The following GRB14 variants were observed in gnomAD, a reference collection of about 807,000 sequenced individuals.
GRB14 encodes the protein growth factor receptor-bound protein 14.
A neutral mutation model predicts 69.1 loss-of-function variants in GRB14; 38 were observed. The observed-to-expected ratio is 0.55, with a 90% CI of 0.42 to 0.72. The LOEUF (loss-of-function observed/expected upper bound fraction) is 0.72. Ranked by LOEUF, GRB14 falls within the 30% of genes least tolerant of loss-of-function variation. The pLI is 0.00. For missense variants in GRB14, 666 were observed against 666.1 expected (o/e 1.00, Z 0.00); for synonymous variants, 247 against 241.3 (o/e 1.02, Z -0.22).
In GRB14 at chr2:164,525,036, T is replaced by G; in HGVS notation, c.646A>C (p.Asn216His). The G allele has an allele frequency of 1.3e-6, 2 of 1,593,212 alleles. No homozygotes were observed. The highest frequency in any genetic ancestry group is 1.7e-6 in the Non-Finnish European group (2 of 1,167,170). The change falls in exon 5 of 14, where the codon AAT becomes CAT. Residue 216 changes from asparagine to histidine, a missense_variant. Coordinates refer to ENST00000263915, the MANE Select transcript of GRB14 (RefSeq NM_004490.3). ...ATCTGTGTGGGGGATATTTCACCAT[T>G]GGTTTCAGTTGCAAAAGATACCATA... ...EHMVSFATET[N>H]GEISPTQILQ...
intron 3 of GRB14, among the ~76,000 whole-genome samples, chr2:164,540,245 T>A (rs1203834600): frequency 6.6e-6 from 1 of 152,218 alleles, no homozygotes; most frequent in African/African-American, 2.4e-5. Flanking sequence ...TTGCACAGCC[T>A]GCCTGCTACG....
Position 164,526,508 on chromosome 2 carries a change from A to G in GRB14, c.603+506T>C, listed in dbSNP as rs1410247571. On this transcript the variant is annotated intron_variant, in intron 4 of 13. Coordinates refer to ENST00000263915, the MANE Select transcript of GRB14 (RefSeq NM_004490.3). ...TGCACCGAAAACAAAATAATTTGGA[A>G]TAGCAAGATTCATGTCAATCTTAAT... 2.6e-5 allele frequency among the ~76,000 whole-genome samples: 4 copies of G among 152,196 alleles called. No homozygotes were observed. The East Asian group carries it at 7.7e-4, about 29-fold the overall frequency.
chr2:164,535,529 T>C (rs1031237285), intron 3 of GRB14, among the ~76,000 whole-genome samples: 15 of 152,174 alleles, frequency 9.9e-5, no homozygotes, highest in Non-Finnish European at 2.1e-4. Context: ...GGCTTTTACC[T>C]CTAATTCGCT....
intron 2 of GRB14, among the ~76,000 whole-genome samples, chr2:164,550,536 G>A (rs1374525758): frequency 6.6e-6 from 1 of 152,100 alleles, no homozygotes; most frequent in Non-Finnish European, 1.5e-5. Context: ...ATGATATAAA[G>A]TGGTAAAACT....
At chr2:164,571,701 T>C (rs531603585) in intron 2 of GRB14, among the ~76,000 whole-genome samples, 2 of 152,176 alleles carry the variant, frequency 1.3e-5, no homozygotes, top group African/African-American at 2.4e-5. Context: ...AGCTATTGAA[T>C]AGATGAGGAA....
intron 8 of GRB14, among the ~76,000 whole-genome samples, chr2:164,506,055 G>C (rs997782136): frequency 4.6e-5 from 7 of 152,116 alleles, no homozygotes; most frequent in African/African-American, 1.7e-4. Context: ...CTGATTTCCA[G>C]TTTTGAAAAA....
chr2:164,512,520 C>G (rs999691817), intron 6 of GRB14, among the ~76,000 whole-genome samples: 10 of 152,180 alleles, frequency 6.6e-5, no homozygotes, highest in African/African-American at 2.4e-4. Context: ...ATCTCTAGAC[C>G]AACCCAGGGA....
intron 2 of GRB14, among the ~76,000 whole-genome samples, chr2:164,606,404 AC>A (rs1259992097): frequency 6.6e-6 from 1 of 152,224 alleles, no homozygotes; most frequent in Non-Finnish European, 1.5e-5. Flanking sequence ...ATATCATGGA[AC>A]TTGGCGGGTA....
chr2:164,519,051 A>G (rs1377086712), intron 6 of GRB14, among the ~76,000 whole-genome samples: 4 of 152,086 alleles, frequency 2.6e-5, no homozygotes, highest in Non-Finnish European at 4.4e-5. Context: ...TACCAAAACC[A>G]GGAAAGGACA....
Position 164,502,330 on chromosome 2 carries a change from GC to G in GRB14, c.1028del (p.Gly343AlafsTer26). The G allele has an allele frequency of 6.4e-7, 1 of 1,558,188 alleles. No homozygotes were observed. The highest frequency in any genetic ancestry group is 8.8e-7 in the Non-Finnish European group (1 of 1,130,736). ...GCATATAATTCTGGTACAGCTGCAT[GC>G]CATACTGCAGAATAAATAAATAAAA... ...WVTAIRLLKY[G>X]MQLYQNYMHP... On this transcript the variant is annotated frameshift_variant, in exon 9 of 14. Coordinates refer to ENST00000263915, the MANE Select transcript of GRB14 (RefSeq NM_004490.3). LOFTEE classifies it high-confidence loss of function.
chr2:164,586,217 G>T (rs999643146), intron 2 of GRB14, among the ~76,000 whole-genome samples: 4 of 152,186 alleles, frequency 2.6e-5, no homozygotes, highest in Non-Finnish European at 5.9e-5. Context: ...GGGAAGCATA[G>T]AGTAACATAT....
chr2:164,595,533 A>G (rs1269592434), intron 2 of GRB14, among the ~76,000 whole-genome samples: 1 of 152,156 alleles, frequency 6.6e-6, no homozygotes, highest in Non-Finnish European at 1.5e-5. Context: ...GTGGAGTAGG[A>G]TGAAACAGAG....
chr2:164,566,902 A>C (rs1005585178), intron 2 of GRB14, among the ~76,000 whole-genome samples: 4 of 152,268 alleles, frequency 2.6e-5, no homozygotes, highest in African/African-American at 9.6e-5. Flanking sequence ...CCAAAGTCAC[A>C]GGGCTAGTAA....
intron 2 of GRB14, among the ~76,000 whole-genome samples, chr2:164,555,086 T>C (rs1292886498): frequency 1.3e-5 from 2 of 152,200 alleles, no homozygotes. Flanking sequence ...CTGCATCACC[T>C]GAAATTCTAA....
chr2:164,533,075 C>T (rs1237506333), intron 3 of GRB14, among the ~76,000 whole-genome samples: 1 of 152,106 alleles, frequency 6.6e-6, no homozygotes, highest in Non-Finnish European at 1.5e-5. Flanking sequence ...TTTCCCTGCA[C>T]ACATTGCTTC....
chr2:164,573,544 A>G (rs1485566514), intron 2 of GRB14, among the ~76,000 whole-genome samples: 1 of 152,154 alleles, frequency 6.6e-6, no homozygotes, highest in African/African-American at 2.4e-5. Flanking sequence ...TTTTATTCCA[A>G]TTCTTCAAAA....
intron 2 of GRB14, among the ~76,000 whole-genome samples, chr2:164,576,647 T>C (rs73028064): frequency 0.029 from 4,429 of 151,872 alleles, 203 homozygotes; most frequent in African/African-American, 0.1. Context: ...ATAAACACTA[T>C]ATATCATATC....
At chr2:164,537,661 A>T (rs1688112800) in intron 3 of GRB14, among the ~76,000 whole-genome samples, 1 of 152,208 alleles carries the variant, frequency 6.6e-6, no homozygotes, top group South Asian at 2.1e-4. Flanking sequence ...CTCGGACCTG[A>T]ATTCATGTAG....
At chr2:164,619,477 C>T (rs1350317411) in intron 2 of GRB14, among the ~76,000 whole-genome samples, 2 of 152,086 alleles carry the variant, frequency 1.3e-5, no homozygotes, top group Admixed American at 6.6e-5. Flanking sequence ...CCAAGACCCT[C>T]GGAGGTAGGT....
Sources: allele counts gnomAD v4.1 joint callset (sites outside exome capture counted in the v4.1 genomes callset), GRCh38; gene constraint gnomAD v4.1.1; transcripts MANE v1.5; gene names NCBI Gene and HGNC (gene_info 2026-07-23, HGNC 2026-07-21).